Variants in CEP162 observed in about 807,000 individuals in gnomAD.
The protein encoded by CEP162 is centrosomal protein of 162 kDa.
In CEP162, 141 loss-of-function variants were observed where a neutral mutation model predicts 169.2. The observed-to-expected ratio is 0.83, with a 90% CI of 0.73 to 0.96. The LOEUF (loss-of-function observed/expected upper bound fraction) is 0.96. Ranked by LOEUF, CEP162 falls within the 40% of genes least tolerant of loss-of-function variation. CEP162 has a pLI of 0.00. For synonymous variants in CEP162, 540 were observed against 526.4 expected (o/e 1.03, Z -0.35); for missense variants, 1,600 against 1,587.2 (o/e 1.01, Z -0.14).
chr6:84,144,752 G>C (rs1367426757), intron 25 of CEP162, among the ~76,000 whole-genome samples: 1 of 152,078 alleles, frequency 6.6e-6, no homozygotes, highest in African/African-American at 2.4e-5. Flanking sequence ...ATTCTTTTTA[G>C]GGACTGTCTG....
At chr6:84,159,728 C>T (rs1434665829) in intron 21 of CEP162, among the ~76,000 whole-genome samples, 1 of 150,674 alleles carries the variant, frequency 6.6e-6, no homozygotes, top group Non-Finnish European at 1.5e-5. Flanking sequence ...CCAAGCCCAG[C>T]TAAAACCATG....
chr6:84,141,401 C>T (rs183463279), intron 25 of CEP162, among the ~76,000 whole-genome samples: 21 of 152,236 alleles, frequency 1.4e-4, no homozygotes, highest in African/African-American at 3.9e-4. Context: ...TTAAGACCAA[C>T]GTTAACATCT....
intron 17 of CEP162, among the ~76,000 whole-genome samples, chr6:84,170,014 C>T (rs2099529361): frequency 6.6e-6 from 1 of 152,136 alleles, no homozygotes; most frequent in South Asian, 2.1e-4. Flanking sequence ...GATAGATCTT[C>T]TTTTAGAAGC....
At chr6:84,196,080 C>T (rs2099542002) in intron 9 of CEP162, among the ~76,000 whole-genome samples, 1 of 152,114 alleles carries the variant, frequency 6.6e-6, no homozygotes, top group Admixed American at 6.6e-5. Context: ...CCCTATTAGC[C>T]TTCTGATATG....
intron 5 of CEP162, among the ~76,000 whole-genome samples, chr6:84,214,415 T>C (rs143479271): frequency 6.6e-6 from 1 of 152,304 alleles, no homozygotes; most frequent in Non-Finnish European, 1.5e-5. Context: ...TGCGAACAAA[T>C]GCGACACTCA....
intron 9 of CEP162, among the ~76,000 whole-genome samples, chr6:84,197,550 C>T (rs927274723): frequency 1.7e-4 from 26 of 151,994 alleles, no homozygotes; most frequent in African/African-American, 5.6e-4. Context: ...CAGTGGCTCA[C>T]GCCTGTAATC....
At chr6:84,224,077 T>C (rs920727835) in intron 2 of CEP162, among the ~76,000 whole-genome samples, 2 of 152,110 alleles carry the variant, frequency 1.3e-5, no homozygotes, top group African/African-American at 4.8e-5. Flanking sequence ...ACACAAAAAC[T>C]TGTACATGAT....
At chr6:84,211,604 AAC>A (rs1239471601) in intron 6 of CEP162, among the ~76,000 whole-genome samples, 1 of 151,628 alleles carries the variant, frequency 6.6e-6, no homozygotes, top group African/African-American at 2.4e-5. Context: ...GAAGCAAAAG[AAC>A]AGTGATAGGA....
chr6:84,207,371 T>C (rs1225680053), intron 6 of CEP162, among the ~76,000 whole-genome samples: 1 of 152,094 alleles, frequency 6.6e-6, no homozygotes, highest in African/African-American at 2.4e-5. Flanking sequence ...ATATACACCA[T>C]GGAATACTAT....
chr6:84,171,045 A>G (rs998713693), intron 17 of CEP162, among the ~76,000 whole-genome samples: 1 of 152,154 alleles, frequency 6.6e-6, no homozygotes. Context: ...TATTCTCCAG[A>G]GCTTCTTGGG....
At position 84,193,636 on chromosome 6, in the gene CEP162, A is replaced by C. The variant is rs577287375; in HGVS notation, c.1082T>G (p.Ile361Ser). The stretch of plus-strand genomic sequence containing the variant: ...GACAGGTTGTAAATCAAAACCACTG[A>C]TCCCAAAGGAATCTATTCTGATAGG... ...MKPIRIDSFG[I>S]SGFDLQPVSS... Residue 361 changes from isoleucine to serine, a missense_variant, in exon 11 of 27, where the codon ATC becomes AGC. Coordinates refer to ENST00000403245, the MANE Select transcript of CEP162 (RefSeq NM_014895.4). 7.7e-6 allele frequency: 12 copies of C among 1,565,118 alleles called. No individual in the cohort carries two copies. The East Asian group carries it at 1.4e-4, about 18-fold the overall frequency.
At chr6:84,206,846 T>C (rs2099547352) in intron 6 of CEP162, among the ~76,000 whole-genome samples, 1 of 152,104 alleles carries the variant, frequency 6.6e-6, no homozygotes, top group Non-Finnish European at 1.5e-5. Flanking sequence ...ATATCCAGAA[T>C]CTACAAAGAA....
At chr6:84,147,917 T>G (rs1399396053) in intron 24 of CEP162, among the ~76,000 whole-genome samples, 1 of 152,152 alleles carries the variant, frequency 6.6e-6, no homozygotes, top group Admixed American at 6.5e-5. Flanking sequence ...TTATCTCTAA[T>G]GCTGTATTTT....
rs1388634076 is a variant in CEP162 at position 84,194,876 on chromosome 6, G to GT, written c.1027+7dup. On this transcript the variant is annotated splice_region_variant and intron_variant, in intron 10 of 26. Coordinates refer to ENST00000403245, the MANE Select transcript of CEP162 (RefSeq NM_014895.4). ...AAATAATTGAAAAATTCATCTGTAA[G>GT]TTTTTACCAGATTCCATAGTAGAGA... 6.3e-7 allele frequency: 1 copy of GT among 1,576,860 alleles called. No homozygotes were observed.
chr6:84,215,852 C>T lies in CEP162; in HGVS notation c.243G>A (p.Glu81=). ...KTSQPVMEIE[E]ESAEKIQFLK... is the part of the protein sequence containing the mutation. ...GAAATTGAATCTTTTCAGCAGACTC[C>T]TCTTCTATTTCCATAACAGGCTGAG... The change falls in exon 4 of 27, where the codon GAG becomes GAA. Residue 81 remains glutamate (E), a synonymous_variant. Coordinates refer to ENST00000403245, the MANE Select transcript of CEP162 (RefSeq NM_014895.4). 6.3e-7 allele frequency: 1 copy of T among 1,584,484 alleles called. No individual in the cohort carries two copies. The highest frequency in any genetic ancestry group is 1.2e-5 in the South Asian group (1 of 86,840).
At chr6:84,221,796 C>T (rs1304214955) in intron 2 of CEP162, among the ~76,000 whole-genome samples, 1 of 152,120 alleles carries the variant, frequency 6.6e-6, no homozygotes, top group Non-Finnish European at 1.5e-5. Flanking sequence ...ACCCACCTCA[C>T]TCCACTACTA....
Position 84,126,372 on chromosome 6 carries a change from CT to C in CEP162, c.4005+5del. The C allele has an allele frequency of 6.3e-7, 1 of 1,578,380 alleles. No homozygotes were observed. The highest frequency in any genetic ancestry group is 8.6e-7 in the Non-Finnish European group (1 of 1,165,294). ...TATATAAATATGTAAATGTGATTTA[CT>C]TTACCTGTTGAAGTTCCTGTTCTCT... On this transcript the variant is annotated splice_donor_5th_base_variant and intron_variant, in intron 26 of 26. Coordinates refer to ENST00000403245, the MANE Select transcript of CEP162 (RefSeq NM_014895.4).
At chr6:84,174,676 T>C in intron 15 of CEP162, 51 bp downstream of exon 15, 3 of 765,274 alleles carry the variant, frequency 3.9e-6, no homozygotes, top group Admixed American at 3.5e-5. Flanking sequence ...GAATTCAGCT[T>C]TTTTTTTTTT....
chr6:84,153,136 G>C lies in CEP162; in HGVS notation c.3038C>G (p.Ala1013Gly), dbSNP rs774733035. ...AGAGTCATGTTGATTCAATTTGCAGGCAAGTAGCTGCTCCTGCTGCTCTAG... is the reference window on the plus strand; with the variant it reads ...AGAGTCATGTTGATTCAATTTGCAGCCAAGTAGCTGCTCCTGCTGCTCTAG... The part of the protein sequence containing the change: ...QRLEQQEQLL[A>G]CKLNQHDSPR... The change falls in exon 23 of 27, where the codon GCC becomes GGC. Residue 1013 changes from alanine to glycine, a missense_variant. By Grantham distance (60) the Ala-to-Gly change is moderately conservative (BLOSUM62 0). Transcript: ENST00000403245. The C allele has an allele frequency of 1.2e-6, 2 of 1,609,262 alleles. No individual in the cohort carries two copies. The highest frequency in any genetic ancestry group is 1.7e-6 in the Non-Finnish European group (2 of 1,178,592).
Sources: allele counts gnomAD v4.1 joint callset (sites outside exome capture counted in the v4.1 genomes callset), GRCh38; gene constraint gnomAD v4.1.1; transcripts MANE v1.5; gene names NCBI Gene and HGNC (gene_info 2026-07-23, HGNC 2026-07-21).